The following TRPM3 variants were observed in gnomAD, a reference collection of about 807,000 sequenced individuals.
TRPM3 encodes the protein long transient receptor potential channel 3.
In TRPM3, 77 loss-of-function variants were observed where a neutral mutation model predicts 181.2. The observed-to-expected ratio is 0.42, with a 90% CI of 0.35 to 0.51. TRPM3 has a LOEUF of 0.51. TRPM3 is among the 20% of genes least tolerant of loss of function. TRPM3 has a pLI of 0.01. For synonymous variants in TRPM3, 745 were observed against 796.4 expected, an observed-to-expected ratio of 0.94 and a Z score of 1.09; for missense variants, 1,759 against 2,196.7, an observed-to-expected ratio of 0.80 and a Z score of 3.98.
intron 22 of TRPM3, among the ~76,000 whole-genome samples, chr9:70,564,366 A>G (rs2049977375): frequency 6.6e-6 from 1 of 152,174 alleles, no homozygotes; most frequent in Admixed American, 6.5e-5. Context: ...CTGAGCAATG[A>G]GGGCAGGAGG....
chr9:71,325,238 A>T (rs889530031), intron 1 of TRPM3, among the ~76,000 whole-genome samples: 2 of 152,202 alleles, frequency 1.3e-5, no homozygotes, highest in Non-Finnish European at 2.9e-5. Context: ...ATATTAAAAC[A>T]AAGTTTTACC....
chr9:71,125,444 G>A (rs942076526), upstream of TRPM3, among the ~76,000 whole-genome samples: 10 of 152,232 alleles, frequency 6.6e-5, no homozygotes, highest in Admixed American at 2.0e-4. Flanking sequence ...GGAACATAAC[G>A]GTGTTTGGTT....
chr9:71,251,787 T>C (rs2082355781), intron 1 of TRPM3, among the ~76,000 whole-genome samples: 1 of 152,192 alleles, frequency 6.6e-6, no homozygotes, highest in South Asian at 2.1e-4. Flanking sequence ...TGTTGTGCTA[T>C]AATAGGTCTT....
intron 1 of TRPM3, among the ~76,000 whole-genome samples, chr9:71,335,417 T>G (rs186702275): frequency 1.8e-4 from 27 of 152,260 alleles, no homozygotes; most frequent in African/African-American, 6.5e-4. Context: ...TTAAACTTAA[T>G]GACTTGTGGT....
intron 1 of TRPM3, among the ~76,000 whole-genome samples, chr9:71,398,870 C>T (rs547675862): frequency 2.0e-5 from 3 of 151,900 alleles, no homozygotes; most frequent in African/African-American, 4.8e-5. Context: ...CAATACAGTA[C>T]ATAAATATTG....
chr9:71,040,687 A>T (rs146555247), intron 1 of TRPM3, among the ~76,000 whole-genome samples: 2 of 152,314 alleles, frequency 1.3e-5, no homozygotes, highest in East Asian at 3.9e-4. Flanking sequence ...ACAGAAGACA[A>T]ATCTAGCAAG....
chr9:70,552,498 G>C (rs1415031756), intron 24 of TRPM3, among the ~76,000 whole-genome samples: 4 of 152,072 alleles, frequency 2.6e-5, no homozygotes, highest in Non-Finnish European at 5.9e-5. Context: ...TGTAGCCTTG[G>C]GTGGCATATT....
At chr9:71,381,353 G>A (rs2092795903) in intron 1 of TRPM3, among the ~76,000 whole-genome samples, 1 of 152,066 alleles carries the variant, frequency 6.6e-6, no homozygotes, top group South Asian at 2.1e-4. Flanking sequence ...CAGTAGGTGG[G>A]TATATCACTG....
chr9:70,952,629 G>T (rs2992999), intron 1 of TRPM3, among the ~76,000 whole-genome samples: 116,522 of 152,086 alleles, frequency 0.77, 45,082 homozygotes, highest in African/African-American at 0.84. Flanking sequence ...TCTGGAAGAT[G>T]TGATAAGGGA....
intron 1 of TRPM3, among the ~76,000 whole-genome samples, chr9:71,422,319 C>G (rs571280361): frequency 3.3e-5 from 5 of 152,142 alleles, no homozygotes; most frequent in Admixed American, 2.6e-4. Flanking sequence ...AAATGTGACA[C>G]ATTATCTATA....
At chr9:70,922,460 T>C (rs1480874192) in intron 1 of TRPM3, among the ~76,000 whole-genome samples, 2 of 152,216 alleles carry the variant, frequency 1.3e-5, no homozygotes, top group African/African-American at 4.8e-5. Context: ...AATGAACTAA[T>C]TTAATGTTAT....
chr9:70,546,321 C>T (rs1419583132), intron 25 of TRPM3, among the ~76,000 whole-genome samples: 1 of 152,144 alleles, frequency 6.6e-6, no homozygotes, highest in Non-Finnish European at 1.5e-5. Flanking sequence ...GGCCTTACTG[C>T]AGATCTAGTG....
rs796447501 is a variant in TRPM3, at chr9:71,359,551, AT to A, written c.183+87101del. Among the ~76,000 whole-genome samples the A allele has an allele frequency of 5.8e-4, 88 of 151,476 alleles. No homozygotes were observed. The Middle Eastern group carries it at 0.01, about 18-fold the overall frequency. On this transcript the variant is annotated intron_variant, in intron 1 of 24. Coordinates refer to the TRPM3 transcript ENST00000357533. ...TTCTAAAACATAAACCTACTGCATGATTTTTTTTTCAGTTTAATTGCTAGCA... is the reference window on the plus strand; with the variant it reads ...TTCTAAAACATAAACCTACTGCATGATTTTTTTTCAGTTTAATTGCTAGCA...
At chr9:70,836,055 T>A (rs1487393703) in intron 5 of TRPM3, among the ~76,000 whole-genome samples, 2 of 152,300 alleles carry the variant, frequency 1.3e-5, no homozygotes, top group East Asian at 3.9e-4. Flanking sequence ...TTATTTTAGT[T>A]GTTGTTGGGG....
chr9:70,959,872 A>G (rs146971926), intron 1 of TRPM3, among the ~76,000 whole-genome samples: 6 of 152,294 alleles, frequency 3.9e-5, no homozygotes, highest in Non-Finnish European at 7.4e-5. Flanking sequence ...TGAAAATTCC[A>G]TGTTATCAAG....
chr9:71,139,454 C>G (rs901542820), intron 1 of TRPM3, among the ~76,000 whole-genome samples: 2 of 152,090 alleles, frequency 1.3e-5, no homozygotes, highest in East Asian at 3.9e-4. Context: ...AAAATAGGAA[C>G]AAATTACTTC....
At chr9:71,296,988 C>CTTT (rs398010878) in intron 1 of TRPM3, among the ~76,000 whole-genome samples, 3,209 of 97,750 alleles carry the variant, frequency 0.033, 259 homozygotes, top group African/African-American at 0.12. Context: ...TGAATCTTTT[C>CTTT]TTTTTTTTTT....
chr9:71,349,638 T>C (rs992415491), intron 1 of TRPM3, among the ~76,000 whole-genome samples: 9 of 152,224 alleles, frequency 5.9e-5, no homozygotes, highest in Non-Finnish European at 1.0e-4. Context: ...TGCTCTTTCA[T>C]AGGTCCATTT....
In TRPM3 at chr9:70,933,041, A is replaced by G. The variant is rs944882774; in HGVS notation, c.178-68530T>C. ...AGGTGCAAAAGAGAGGATGGTTTCA[A>G]AAAGGACCCTGATTCTGGTTTCTAC... On this transcript the variant is annotated intron_variant, in intron 1 of 25. Transcript: ENST00000677713. Among the ~76,000 whole-genome samples the G allele has an allele frequency of 2.6e-5, 4 of 152,166 alleles. 1 individual carries two copies. Among genetic ancestry groups the G allele is most frequent in the African/African-American group, 9.7e-5 (4 of 41,450 alleles).
Sources: gnomAD v4.1 joint callset for allele counts (sites outside exome capture counted in the v4.1 genomes callset) on GRCh38, gnomAD v4.1.1 for gene constraint, MANE v1.5 for transcripts, NCBI Gene and HGNC (gene_info 2026-07-23, HGNC 2026-07-21) for gene names.